Variants in LIN9 observed in about 807,000 individuals in gnomAD.
The protein encoded by LIN9 is protein lin-9 homolog.
In LIN9, 18 loss-of-function variants were observed where a neutral mutation model predicts 78.0. The observed-to-expected ratio is 0.23, with a 90% CI of 0.16 to 0.34. LIN9 has a LOEUF of 0.34. LIN9 is among the 10% of genes least tolerant of loss of function. The pLI is 1.00. For missense variants in LIN9, 451 were observed against 644.1 expected (o/e 0.70, Z 3.25); for synonymous variants, 192 against 215.2 (o/e 0.89, Z 0.94).
intron 13 of LIN9, 27 bp downstream of exon 13, chr1:226,233,317 T>A (rs779893089): frequency 6.3e-7 from 1 of 1,583,512 alleles, no homozygotes; most frequent in Non-Finnish European, 8.6e-7. Context: ...TGTGTCAAAT[T>A]AAGAAAATAT....
chr1:226,233,637 T>C, intron 12 of LIN9, 114 bp from the exon 13 acceptor site: 1 of 670,874 alleles, frequency 1.5e-6, no homozygotes, highest in Non-Finnish European at 2.2e-6. Context: ...CATTTAAAAC[T>C]AAAGTGGTAC....
intron 12 of LIN9, among the ~76,000 whole-genome samples, chr1:226,237,922 C>T (rs963514921): frequency 4.0e-5 from 6 of 149,518 alleles, no homozygotes; most frequent in African/African-American, 1.5e-4. Flanking sequence ...CACTGCACTC[C>T]AGCCTGGGCA....
At chr1:226,243,327 AAG>A (rs1658235511) in intron 11 of LIN9, among the ~76,000 whole-genome samples, 1 of 152,214 alleles carries the variant, frequency 6.6e-6, no homozygotes, top group Non-Finnish European at 1.5e-5. Flanking sequence ...ACTAGGATTG[AAG>A]AGAGTGATCT....
At chr1:226,305,904 T>A (rs1408216442) in intron 1 of LIN9, among the ~76,000 whole-genome samples, 3 of 151,930 alleles carry the variant, frequency 2.0e-5, no homozygotes, top group Non-Finnish European at 4.4e-5. Flanking sequence ...GAGGCTGAGG[T>A]AATTGGTAAA....
chr1:226,304,444 C>G (rs921522617), intron 1 of LIN9, among the ~76,000 whole-genome samples: 1 of 152,132 alleles, frequency 6.6e-6, no homozygotes, highest in Non-Finnish European at 1.5e-5. Flanking sequence ...ACAAACAAAG[C>G]CTCTCCTCAC....
chr1:226,287,015 A>G (rs1661417787), intron 5 of LIN9, among the ~76,000 whole-genome samples: 1 of 152,208 alleles, frequency 6.6e-6, no homozygotes, highest in African/African-American at 2.4e-5. Flanking sequence ...CCTTGGGCTC[A>G]AATATGAACA....
intron 1 of LIN9, among the ~76,000 whole-genome samples, chr1:226,302,122 T>C (rs892952948): frequency 6.6e-6 from 1 of 152,126 alleles, no homozygotes; most frequent in Non-Finnish European, 1.5e-5. Flanking sequence ...ACATGCAAAA[T>C]CTAGACTGAA....
Position 226,233,173 on chromosome 1 carries a change from G to A in LIN9, c.1446C>T (p.Asp482=), listed in dbSNP as rs149035186. The change falls in exon 14 of 15, where the codon GAC becomes GAT. Residue 482 remains aspartate (D), a synonymous_variant. Transcript: ENST00000681046. Reference sequence around the variant, plus strand: ...GTGATTTGAATTCAAAGGAATTCAGGTCTCCTCCTTCTGCTAGACACTAAA... The same window carrying A: ...GTGATTTGAATTCAAAGGAATTCAGATCTCCTCCTTCTGCTAGACACTAAA... ...LQIKCLAEGG[D]LNSFEFKSLT... 7.1e-5 allele frequency: 114 copies of A among 1,606,690 alleles called. No individual in the cohort carries two copies. The African/African-American group carries it at 1.2e-3, about 17-fold the overall frequency.
At chr1:226,267,309 A>AG (rs1405506101) in intron 8 of LIN9, among the ~76,000 whole-genome samples, 9 of 51,974 alleles carry the variant, frequency 1.7e-4, no homozygotes, top group Non-Finnish European at 3.0e-4. Flanking sequence ...GTGTATATAT[A>AG]TTATGTATAT....
chr1:226,243,342 A>G (rs958383034), intron 11 of LIN9, among the ~76,000 whole-genome samples: 1 of 152,206 alleles, frequency 6.6e-6, no homozygotes, highest in East Asian at 1.9e-4. Context: ...AGTGATCTAT[A>G]TTTACTGATA....
intron 4 of LIN9, among the ~76,000 whole-genome samples, chr1:226,292,397 C>T (rs1248859746): frequency 6.6e-6 from 1 of 152,080 alleles, no homozygotes; most frequent in Non-Finnish European, 1.5e-5. Context: ...TGAGCTTAAG[C>T]CATCCACCTG....
chr1:226,267,058 G>A (rs1659961896), intron 8 of LIN9, among the ~76,000 whole-genome samples: 2 of 152,058 alleles, frequency 1.3e-5, no homozygotes, highest in African/African-American at 4.8e-5. Flanking sequence ...GGGATTATAG[G>A]TGTGAGCAAC....
At chr1:226,232,957 TAAGTG>T (rs1321734820) in intron 14 of LIN9, 134 bp downstream of exon 14, 2 of 560,240 alleles carry the variant, frequency 3.6e-6, no homozygotes, top group African/African-American at 3.9e-5. Context: ...AGGCTGGATA[TAAGTG>T]AAAAGCTCTT....
At position 226,286,408 on chromosome 1, in the gene LIN9, A is replaced by G. The variant is rs766210395; in HGVS notation, c.449T>C (p.Phe150Ser). ...TAACTTTCTTGTTTTCAAATTAGGA[A>G]AAGATTCCTTTAGACATACACAGAA... Reference protein sequence around the residue: ...NDFCVCLKESFPNLKTRKLTR... With the variant: ...NDFCVCLKESSPNLKTRKLTR... Residue 150 changes from phenylalanine to serine, a missense_variant, in exon 6 of 15, where the codon TTT becomes TCT. By Grantham distance (155) the Phe-to-Ser change is radical. Transcript: ENST00000681046. 1 of 1,611,528 alleles carries G rather than the reference A, an allele frequency of 6.2e-7. No individual in the cohort carries two copies. The highest frequency in any genetic ancestry group is 8.5e-7 in the Non-Finnish European group (1 of 1,178,164).
intron 11 of LIN9, among the ~76,000 whole-genome samples, chr1:226,249,801 T>C (rs1472609961): frequency 6.6e-6 from 1 of 152,178 alleles, no homozygotes; most frequent in African/African-American, 2.4e-5. Context: ...ATCCTACATA[T>C]CCTTAAGCAA....
At chr1:226,300,553 AAAAT>A (rs982038314) in intron 2 of LIN9, among the ~76,000 whole-genome samples, 2 of 152,162 alleles carry the variant, frequency 1.3e-5, no homozygotes, top group African/African-American at 4.8e-5. Flanking sequence ...CCTGTCTCAA[AAAAT>A]AAATAAACAA....
At chr1:226,254,292 GTTTAT>G (rs1230618689) in intron 10 of LIN9, among the ~76,000 whole-genome samples, 1 of 152,036 alleles carries the variant, frequency 6.6e-6, no homozygotes, top group African/African-American at 2.4e-5. Context: ...CATTTTTAAT[GTTTAT>G]TTTGTCATAA....
At chr1:226,262,928 T>C (rs939792456) in intron 10 of LIN9, among the ~76,000 whole-genome samples, 1 of 152,100 alleles carries the variant, frequency 6.6e-6, no homozygotes, top group Non-Finnish European at 1.5e-5. Context: ...CTGTGGTACA[T>C]CCCGACAATG....
intron 6 of LIN9, among the ~76,000 whole-genome samples, chr1:226,279,608 CAA>C (rs56886138): frequency 1.5e-4 from 10 of 64,830 alleles, no homozygotes; most frequent in Admixed American, 3.8e-4. Flanking sequence ...GCCAAAAATA[CAA>C]AAAAAAAAAA....
Sources: allele counts gnomAD v4.1 joint callset (sites outside exome capture counted in the v4.1 genomes callset), GRCh38; gene constraint gnomAD v4.1.1; transcripts MANE v1.5; gene names NCBI Gene and HGNC (gene_info 2026-07-23, HGNC 2026-07-21).